The following RPTOR variants were observed in gnomAD, a reference collection of about 807,000 sequenced individuals.
The protein encoded by RPTOR is regulatory-associated protein of mTOR.
Under a neutral mutation model 169.9 loss-of-function variants are expected in RPTOR, and 21 were observed. The ratio of observed to expected loss-of-function variants is 0.12; its 90% CI spans 0.09 to 0.18. The LOEUF (loss-of-function observed/expected upper bound fraction) is 0.18. Ranked by LOEUF, RPTOR falls within the 10% of genes least tolerant of loss-of-function variation. RPTOR has a pLI of 1.00. For missense variants in RPTOR, 1,133 were observed against 1,855.9 expected, an observed-to-expected ratio of 0.61 and a Z score of 7.16; for synonymous variants, 732 against 753.2, an observed-to-expected ratio of 0.97 and a Z score of 0.46.
intron 7 of RPTOR, among the ~76,000 whole-genome samples, chr17:80,812,370 G>C (rs1021148827): frequency 6.6e-6 from 1 of 151,588 alleles, no homozygotes; most frequent in African/African-American, 2.4e-5. Flanking sequence ...GCTACAAATT[G>C]AAAACGGAAA....
chr17:80,629,008 G>A (rs750732048), intron 2 of RPTOR, among the ~76,000 whole-genome samples: 18 of 149,022 alleles, frequency 1.2e-4, no homozygotes, highest in Admixed American at 2.0e-4. Context: ...ACATTGTACC[G>A]CAGCTCTTCT....
intron 9 of RPTOR, 36 bp from the exon 10 acceptor site, chr17:80,837,886 A>T: frequency 6.3e-7 from 1 of 1,591,778 alleles, no homozygotes; most frequent in Non-Finnish European, 8.6e-7. Context: ...AAGCCCGTCC[A>T]TAATGCTCAG....
rs182932975 is a variant in RPTOR at position 80,723,531 on chromosome 17, A to C, written c.508-7029A>C. ...TTATTTTGTTACTGAAATTGTTTCA[A>C]CTTTGACCACTGACACACCTTCTAG... On this transcript the variant is annotated intron_variant, in intron 4 of 33. Coordinates refer to ENST00000306801, the MANE Select transcript of RPTOR (RefSeq NM_020761.3). Among the ~76,000 whole-genome samples, 233 of 151,386 alleles carry C rather than the reference A, an allele frequency of 1.5e-3. 7 individuals are homozygous for C. The Middle Eastern group carries it at 0.024, about 15-fold the overall frequency.
chr17:80,892,975 G>A (rs1183687635), intron 19 of RPTOR, 106 bp downstream of exon 19: 1 of 1,364,160 alleles, frequency 7.3e-7, no homozygotes, highest in African/African-American at 1.4e-5. Context: ...CTTCGTCTAA[G>A]TGCGTGCCCT....
intron 24 of RPTOR, among the ~76,000 whole-genome samples, chr17:80,926,903 CAAAG>C (rs2068817835): frequency 6.6e-6 from 1 of 152,202 alleles, no homozygotes; most frequent in Non-Finnish European, 1.5e-5. Context: ...GGAAAAGAAT[CAAAG>C]AAACAAACCC....
rs148686843 is a variant in RPTOR, at chr17:80,629,539, C to T, written c.265+3746C>T. ...TCTCTCTCTTCTGGGACTCAGCTCT[C>T]TATGTATTGTGTTGTTGGACATTGT... On this transcript the variant is annotated intron_variant, in intron 2 of 33. Coordinates refer to ENST00000306801, the MANE Select transcript of RPTOR (RefSeq NM_020761.3). Among the ~76,000 whole-genome samples, 822 of 151,232 alleles carry T rather than the reference C, an allele frequency of 5.4e-3. 11 individuals carry two copies. The highest frequency in any genetic ancestry group is 0.019 in the African/African-American group (784 of 41,000).
intron 5 of RPTOR, among the ~76,000 whole-genome samples, chr17:80,734,012 C>G (rs907037380): frequency 5.3e-5 from 8 of 152,116 alleles, no homozygotes; most frequent in Non-Finnish European, 1.2e-4. Flanking sequence ...GTTCTCTGAC[C>G]ACGATTAACA....
chr17:80,943,929 C>T (rs559960251), intron 25 of RPTOR, among the ~76,000 whole-genome samples: 3 of 152,338 alleles, frequency 2.0e-5, no homozygotes, highest in Non-Finnish European at 4.4e-5. Flanking sequence ...CCAGAGGCCA[C>T]ACAGGTGACC....
At chr17:80,592,253 G>A (rs2065113011) in intron 1 of RPTOR, among the ~76,000 whole-genome samples, 1 of 152,186 alleles carries the variant, frequency 6.6e-6, no homozygotes, top group African/African-American at 2.4e-5. Context: ...TTGTGTCTGG[G>A]CTTGCAGACC....
rs982973556 is a variant in RPTOR, at chr17:80,721,017, G to A, written c.508-9543G>A. The stretch of plus-strand genomic sequence containing the variant: ...TTGTTTTCCATCTCTAATTTTAGCC[G>A]TCTAGGGCAGAAACAGTCCCGGGTA... On this transcript the variant is annotated intron_variant, in intron 4 of 33. Coordinates refer to ENST00000306801, the MANE Select transcript of RPTOR (RefSeq NM_020761.3). This position sits in a 1 kb window ranked among gnomAD's most constrained non-coding sequence, Gnocchi z 4.7. Among the ~76,000 whole-genome samples the A allele has an allele frequency of 2.0e-5, 3 of 150,980 alleles. No homozygotes were observed. The highest frequency in any genetic ancestry group is 6.6e-5 in the Admixed American group (1 of 15,232).
At chr17:80,843,039 C>T (rs1319298488) in intron 10 of RPTOR, among the ~76,000 whole-genome samples, 1 of 152,230 alleles carries the variant, frequency 6.6e-6, no homozygotes, top group Non-Finnish European at 1.5e-5. Context: ...CTAAGTCCCA[C>T]AACTTCGTTT....
chr17:80,686,620 C>T (rs186311233), intron 3 of RPTOR, among the ~76,000 whole-genome samples: 36 of 152,238 alleles, frequency 2.4e-4, no homozygotes, highest in Admixed American at 4.6e-4. Flanking sequence ...TCAGAGTTCT[C>T]GGCAGCGTAT....
chr17:80,939,229 G>A (rs143117785), intron 24 of RPTOR, among the ~76,000 whole-genome samples: 210 of 152,288 alleles, frequency 1.4e-3, no homozygotes, highest in East Asian at 8.1e-3. Context: ...ATGCATCTGC[G>A]TAACCCAGAC....
rs544899885 is a variant in RPTOR, at chr17:80,815,371, GT to G, written c.891-6829del. Among the ~76,000 whole-genome samples the G allele has an allele frequency of 1.2e-4, 19 of 152,380 alleles. No homozygotes were observed. The East Asian group carries it at 3.7e-3, about 29-fold the overall frequency. On this transcript the variant is annotated intron_variant, in intron 7 of 33. Transcript: ENST00000306801. ...GGTGGCCAGACTCTGTAGCTCAGCT[GT>G]GCTACAGGGCCACCCAGAACAGAGA...
At chr17:80,625,380 C>T (rs1390401923) in intron 1 of RPTOR, among the ~76,000 whole-genome samples, 9 of 152,114 alleles carry the variant, frequency 5.9e-5, no homozygotes, top group Admixed American at 2.0e-4. Context: ...GTATTGAGTG[C>T]GTTAAAATGT....
intron 1 of RPTOR, among the ~76,000 whole-genome samples, chr17:80,567,996 T>C (rs1334409811): frequency 6.6e-6 from 1 of 151,766 alleles, no homozygotes; most frequent in Non-Finnish European, 1.5e-5. Context: ...AACATCTGCC[T>C]CCCGGGTTCA....
chr17:80,632,939 G>A (rs2065453122), intron 2 of RPTOR, among the ~76,000 whole-genome samples: 1 of 151,786 alleles, frequency 6.6e-6, no homozygotes, highest in African/African-American at 2.4e-5. Context: ...TCAGTAGCTG[G>A]GACTGTAGAT....
chr17:80,808,803 G>A (rs1305704271), intron 7 of RPTOR, among the ~76,000 whole-genome samples: 1 of 152,114 alleles, frequency 6.6e-6, no homozygotes, highest in African/African-American at 2.4e-5. Flanking sequence ...TCTCTTCCTT[G>A]GCTCAGAATC....
intron 1 of RPTOR, among the ~76,000 whole-genome samples, chr17:80,622,763 G>A (rs2065363756): frequency 6.6e-6 from 1 of 152,068 alleles, no homozygotes; most frequent in Non-Finnish European, 1.5e-5. Context: ...AATTAGCTGG[G>A]TGTGGTGGCA....
Sources: allele counts gnomAD v4.1 joint callset (sites outside exome capture counted in the v4.1 genomes callset), GRCh38; gene constraint gnomAD v4.1.1; non-coding constraint Gnocchi (gnomAD v3.1); transcripts MANE v1.5; gene names NCBI Gene and HGNC (gene_info 2026-07-23, HGNC 2026-07-21).